The following EPN2 variants were observed in gnomAD, a reference collection of about 807,000 sequenced individuals.
EPN2 encodes the protein epsin-2.
A neutral mutation model predicts 61.7 loss-of-function variants in EPN2; 34 were observed. The observed-to-expected ratio is 0.55, with a 90% CI of 0.42 to 0.73. EPN2 has a LOEUF of 0.73. Ranked by LOEUF, EPN2 falls within the 30% of genes least tolerant of loss-of-function variation. The pLI is 0.00. For missense variants in EPN2, 714 were observed against 839.2 expected (o/e 0.85, Z 1.84); for synonymous variants, 349 against 353.6 (o/e 0.99, Z 0.15).
chr17:19,323,550 AACC>A (rs1906738708), intron 7 of EPN2, among the ~76,000 whole-genome samples: 1 of 152,164 alleles, frequency 6.6e-6, no homozygotes, highest in Non-Finnish European at 1.5e-5. Flanking sequence ...ACCTTAAATA[AACC>A]TACAGAGAAC....
intron 1 of EPN2, among the ~76,000 whole-genome samples, chr17:19,277,801 G>A (rs1055894646): frequency 9.9e-5 from 15 of 152,168 alleles, no homozygotes; most frequent in African/African-American, 2.4e-4. Flanking sequence ...GGCCGGGCGC[G>A]GTGGCTCACG....
At chr17:19,266,041 G>C (rs867770027) in intron 1 of EPN2, among the ~76,000 whole-genome samples, 2 of 152,002 alleles carry the variant, frequency 1.3e-5, no homozygotes, top group African/African-American at 4.8e-5. Context: ...CTTCTCAGTC[G>C]TCTTTCTGTC....
At position 19,308,732 on chromosome 17, in the gene EPN2, G is replaced by A. The variant is rs933784362; in HGVS notation, c.767-1153G>A. 20 of 941,008 alleles carry A rather than the reference G, an allele frequency of 2.1e-5. No individual in the cohort carries two copies. The African/African-American group carries it at 3.5e-4, about 17-fold the overall frequency. The allele number at this position is 941,008 out of a possible 1,614,324, so 58.3% of individuals were successfully genotyped here. On this transcript the variant is annotated intron_variant, in intron 4 of 10. Coordinates refer to ENST00000314728, the MANE Select transcript of EPN2 (RefSeq NM_014964.5). The stretch of plus-strand genomic sequence containing the variant: ...GTCTTGTTCTGAGAGTTTTAGAGAA[G>A]CTATGGACCCTTCCTGAAACGGGGG...
intron 4 of EPN2, among the ~76,000 whole-genome samples, chr17:19,307,467 T>A (rs1905901771): frequency 1.3e-5 from 2 of 152,058 alleles, no homozygotes; most frequent in East Asian, 1.9e-4. Flanking sequence ...CCCACCACCA[T>A]GCCCGGCTAA....
At chr17:19,333,546 G>A (rs909097032) in intron 10 of EPN2, among the ~76,000 whole-genome samples, 40 of 152,180 alleles carry the variant, frequency 2.6e-4, no homozygotes, top group African/African-American at 8.9e-4. Flanking sequence ...GGATCCCTGG[G>A]TGCATTGTGG....
chr17:19,250,708 G>A (rs567791942), intron 1 of EPN2, among the ~76,000 whole-genome samples: 13 of 152,248 alleles, frequency 8.5e-5, no homozygotes, highest in African/African-American at 3.1e-4. Flanking sequence ...CATGGTGCCT[G>A]CTTATTTCCC....
intron 10 of EPN2, among the ~76,000 whole-genome samples, chr17:19,333,392 C>CCTGT (rs1411039113): frequency 1.3e-5 from 2 of 152,236 alleles, no homozygotes; most frequent in Non-Finnish European, 2.9e-5. Context: ...GGCCAGGCTG[C>CCTGT]ATGGGAGAGT....
chr17:19,325,691 G>A (rs1906833736), intron 7 of EPN2, among the ~76,000 whole-genome samples: 1 of 152,138 alleles, frequency 6.6e-6, no homozygotes, highest in South Asian at 2.1e-4. Context: ...CCAACTACCA[G>A]CACTTCTATT....
intron 4 of EPN2, among the ~76,000 whole-genome samples, chr17:19,288,774 ATGT>A (rs568917757): frequency 6.8e-4 from 103 of 152,186 alleles, no homozygotes; most frequent in Non-Finnish European, 1.3e-3. Context: ...CCATGTTTAG[ATGT>A]TGTGCCGATG....
intron 1 of EPN2, among the ~76,000 whole-genome samples, chr17:19,266,848 A>G (rs559587663): frequency 8.2e-4 from 125 of 151,626 alleles, no homozygotes; most frequent in African/African-American, 2.9e-3. Flanking sequence ...TAGCCATAAA[A>G]AGTAATAGAA....
chr17:19,318,238 CT>C (rs1242824796), intron 7 of EPN2, among the ~76,000 whole-genome samples: 9 of 152,234 alleles, frequency 5.9e-5, no homozygotes, highest in Admixed American at 5.9e-4. Context: ...CCAACTTTGT[CT>C]GTGTGGGCTA....
chr17:19,249,586 G>A (rs540880484), intron 1 of EPN2: 2 of 152,428 alleles, frequency 1.3e-5, no homozygotes, highest in South Asian at 2.1e-4. Flanking sequence ...GCTAGGCTCC[G>A]TGCTGGGCAC....
chr17:19,267,652 C>T (rs769215793), intron 1 of EPN2, among the ~76,000 whole-genome samples: 12 of 151,916 alleles, frequency 7.9e-5, no homozygotes, highest in Non-Finnish European at 1.5e-4. Flanking sequence ...AAGCGATTCT[C>T]CTGCCTTAGC....
Position 19,328,906 on chromosome 17 carries a change from C to T in EPN2, c.1324+19C>T. 6.3e-7 allele frequency: 1 copy of T among 1,594,244 alleles called. No individual in the cohort carries two copies. The highest frequency in any genetic ancestry group is 8.6e-7 in the Non-Finnish European group (1 of 1,167,764). On this transcript the variant is annotated intron_variant, in intron 8 of 10. Coordinates refer to ENST00000314728, the MANE Select transcript of EPN2 (RefSeq NM_014964.5). ...GTCTCTGGTGAGCCCCTCACTCACC[C>T]ACTTTCCTGCCTGGCCTCTGAGCGC... is the stretch of plus-strand genomic sequence containing the variant.
chr17:19,289,461 ACT>A (rs2045438957), intron 4 of EPN2, among the ~76,000 whole-genome samples: 1 of 151,740 alleles, frequency 6.6e-6, no homozygotes, highest in Non-Finnish European at 1.5e-5. Context: ...GCTGAGGATG[ACT>A]CTGAGGGCTG....
chr17:19,289,045 AATCTGGGCAGTAGCCAGGTT>A (rs1214881136), intron 4 of EPN2, among the ~76,000 whole-genome samples: 1 of 148,362 alleles, frequency 6.7e-6, no homozygotes. Context: ...GGGCTGCAGA[AATCTGGGCAGTAGCCAGGTT>A]CTGGGTATGT....
At chr17:19,299,331 C>T (rs775549803) in intron 4 of EPN2, among the ~76,000 whole-genome samples, 1 of 152,262 alleles carries the variant, frequency 6.6e-6, no homozygotes, top group Non-Finnish European at 1.5e-5. Context: ...TGCCCGCTCA[C>T]CTCAGCTGGC....
intron 10 of EPN2, 54 bp from the exon 11 acceptor site, chr17:19,333,902 T>C: frequency 6.8e-7 from 1 of 1,463,296 alleles, no homozygotes; most frequent in Non-Finnish European, 9.1e-7. Context: ...ACCTGGGAGC[T>C]CAGAAAGCCA....
intron 4 of EPN2, among the ~76,000 whole-genome samples, chr17:19,293,620 T>TG (rs1262066533): frequency 6.8e-6 from 1 of 147,808 alleles, no homozygotes; most frequent in African/African-American, 2.5e-5. Flanking sequence ...CTGGAACTCC[T>TG]GGGCTCAAGC....
Sources: allele counts gnomAD v4.1 joint callset (sites outside exome capture counted in the v4.1 genomes callset), GRCh38; gene constraint gnomAD v4.1.1; transcripts MANE v1.5; gene names NCBI Gene and HGNC (gene_info 2026-07-23, HGNC 2026-07-21).